CCDC14: variants seen among roughly 807,000 people sequenced by gnomAD.
CCDC14 encodes coiled-coil domain-containing protein 14.
In CCDC14, 71 loss-of-function variants were observed where a neutral mutation model predicts 81.4. The ratio of observed to expected loss-of-function variants is 0.87; its 90% confidence interval spans 0.72 to 1.06. CCDC14 has a LOEUF of 1.06. Ranked by LOEUF, CCDC14 falls within the 50% of genes least tolerant of loss-of-function variation. CCDC14 has a pLI of 0.00. For synonymous variants in CCDC14, 332 were observed against 364.8 expected (o/e 0.91, Z 1.03); for missense variants, 1,046 against 1,047.3 (o/e 1.00, Z 0.02).
chr3:123,915,699 C>A lies in CCDC14; in HGVS notation c.1798G>T (p.Ala600Ser). The change falls in exon 13 of 13, where the codon GCA (alanine) becomes TCA (serine). Residue 600 changes from alanine to serine, a missense_variant. Transcript: ENST00000409697. ...ACACTAAGATCGGAGAGAAGCTTTG[C>A]CATGCTAGTCTGTAAAGTTCTGTTA... ...ELTRTLQTSMAKLLSDLSVDS... is the reference protein window; with the variant it reads ...ELTRTLQTSMSKLLSDLSVDS... 6.2e-7 allele frequency: 1 copy of A among 1,610,972 alleles called. No individual in the cohort carries two copies. Among genetic ancestry groups the A allele is most frequent in the South Asian group, 1.1e-5 (1 of 90,208 alleles).
At chr3:123,916,600 G>C (rs2034715757) in intron 12 of CCDC14, among the ~76,000 whole-genome samples, 1 of 151,668 alleles carries the variant, frequency 6.6e-6, no homozygotes, top group South Asian at 2.1e-4. Context: ...AACCACAGAA[G>C]GTTTGAAGTT....
At chr3:123,958,371 A>T (rs1166848016) in intron 1 of CCDC14, 2 of 152,128 alleles carry the variant, frequency 1.3e-5, no homozygotes, top group Non-Finnish European at 2.9e-5. Flanking sequence ...AAATATACAC[A>T]AGGCTATATT....
chr3:123,895,576 CA>C (rs2034048590), downstream of CCDC14, among the ~76,000 whole-genome samples: 1 of 152,142 alleles, frequency 6.6e-6, no homozygotes, highest in African/African-American at 2.4e-5. Flanking sequence ...GTCTTACCCC[CA>C]GAAATTGATT....
chr3:123,934,349 T>G (rs914176075), intron 9 of CCDC14, among the ~76,000 whole-genome samples: 1 of 151,608 alleles, frequency 6.6e-6, no homozygotes, highest in East Asian at 1.9e-4. Context: ...TGATTTGTTG[T>G]TTTTTTTCTA....
At chr3:123,916,468 T>TTGTGTGTGTGTG (rs71142765) in intron 12 of CCDC14, among the ~76,000 whole-genome samples, 161 of 146,176 alleles carry the variant, frequency 1.1e-3, no homozygotes, top group Middle Eastern at 6.9e-3. Flanking sequence ...ATATATGTGT[T>TTGTGTGTGTGTG]TGTGTGTGTG....
At chr3:123,945,339 A>C (rs1278384977) in intron 8 of CCDC14, among the ~76,000 whole-genome samples, 1 of 152,012 alleles carries the variant, frequency 6.6e-6, no homozygotes. Flanking sequence ...GACTCCTATG[A>C]TTGCTATAGG....
At chr3:123,899,974 C>G (rs1231971644) in intron 5 of CCDC14, among the ~76,000 whole-genome samples, 1 of 152,196 alleles carries the variant, frequency 6.6e-6, no homozygotes, top group African/African-American at 2.4e-5. Flanking sequence ...TAAGATGTCT[C>G]TCCTCTGTGC....
chr3:123,961,109 C>T (rs1295296129), intron 1 of CCDC14, 35 bp downstream of exon 1: 2 of 1,523,744 alleles, frequency 1.3e-6, no homozygotes, highest in Non-Finnish European at 8.9e-7. Context: ...CCCTCTCCAT[C>T]CCCACAGCGG....
Position 123,944,968 on chromosome 3 carries a change from C to CAA in CCDC14, c.1222_1223dup (p.Leu408PhefsTer2), listed in dbSNP as rs1277391797. On this transcript the variant is annotated frameshift_variant, in exon 9 of 13. Transcript: ENST00000409697. LOFTEE classifies it high-confidence loss of function. ...ATATACATGCCTCCATTTCTGTAAT[C>CAA]AACCTCTGAATTTCTGAATCCTCTA... 6.9e-6 allele frequency: 11 copies of CAA among 1,604,146 alleles called. 1 individual carries two copies. The highest frequency in any genetic ancestry group is 9.4e-6 in the Non-Finnish European group (11 of 1,173,216).
chr3:123,919,909 A>G (rs936598952), intron 12 of CCDC14, among the ~76,000 whole-genome samples: 3 of 152,182 alleles, frequency 2.0e-5, no homozygotes, highest in Non-Finnish European at 4.4e-5. Flanking sequence ...GAAATAAAGC[A>G]CCAATAATGG....
chr3:123,948,540 C>T (rs530384456), intron 7 of CCDC14, 151 bp downstream of exon 7: 1 of 704,022 alleles, frequency 1.4e-6, no homozygotes, highest in Admixed American at 3.6e-5. Flanking sequence ...GGCGCTCGGC[C>T]ATAAACATGT....
Position 123,931,389 on chromosome 3 carries a change from T to TA in CCDC14, c.1563dup (p.Ser522Ter), listed in dbSNP as rs1320494184. ...TGATCTTTGTCTTTAAATATACTAC[T>TA]AAATTTTTTGTTTTCATCTTTCTGA... On this transcript the variant is annotated frameshift_variant, in exon 11 of 13. Coordinates refer to ENST00000409697, the MANE Select transcript of CCDC14 (RefSeq NM_001366335.1). LOFTEE classifies it high-confidence loss of function. 2 of 1,528,832 alleles carry TA rather than the reference T, an allele frequency of 1.3e-6. No individual in the cohort carries two copies. The highest frequency in any genetic ancestry group is 2.4e-5 in the South Asian group (2 of 83,480). The allele number at this position is 1,528,832 out of a possible 1,614,324, so 94.7% of individuals were successfully genotyped here.
the CCDC14 span, among the ~76,000 whole-genome samples, chr3:123,891,533 G>A: frequency 6.6e-6 from 1 of 152,138 alleles, no homozygotes; most frequent in South Asian, 2.1e-4. Context: ...CTAGGGCAGT[G>A]GTAAAATGCT....
At chr3:123,894,264 G>C (rs1365996519), downstream of CCDC14, among the ~76,000 whole-genome samples, 2 of 152,176 alleles carry the variant, frequency 1.3e-5, no homozygotes, top group African/African-American at 2.4e-5. Context: ...AAAATAGGCT[G>C]ACCATATAAT....
chr3:123,909,689 G>A (rs190236121), downstream of CCDC14, among the ~76,000 whole-genome samples: 5 of 152,264 alleles, frequency 3.3e-5, no homozygotes, highest in Admixed American at 6.5e-5. Context: ...TTTGTAGTTT[G>A]CAAAACATTT....
At chr3:123,927,590 A>G (rs919845123) in intron 12 of CCDC14, among the ~76,000 whole-genome samples, 1 of 152,094 alleles carries the variant, frequency 6.6e-6, no homozygotes, top group African/African-American at 2.4e-5. Context: ...CTGACAGGTG[A>G]GCTAGTAGTC....
At chr3:123,942,832 T>C (rs2036422326) in intron 9 of CCDC14, among the ~76,000 whole-genome samples, 1 of 152,022 alleles carries the variant, frequency 6.6e-6, no homozygotes, top group African/African-American at 2.4e-5. Flanking sequence ...TGTGGGTGAT[T>C]CCTTTTATAT....
rs200972510 is a variant in CCDC14, at chr3:123,915,428, G to C, written c.2069C>G (p.Thr690Ser). The C allele has an allele frequency of 1.9e-6, 3 of 1,613,884 alleles. No individual in the cohort carries two copies. The highest frequency in any genetic ancestry group is 2.5e-6 in the Non-Finnish European group (3 of 1,179,904). Residue 690 changes from threonine (T) to serine (S), a missense_variant, in exon 13 of 13, where the codon ACT becomes AGT. Physicochemically the swap from Thr to Ser is moderately conservative, Grantham distance 58. Transcript: ENST00000409697. ...TGCAGATGCTTCCTCCATGCCCCTA[G>C]TGTTACTATTTTGAGGGCCTCTGGA... ...LSSRGPQNSN[T>S]RGMEEASAPG...
chr3:123,892,814 T>C (rs1339950632), downstream of CCDC14, among the ~76,000 whole-genome samples: 1 of 151,246 alleles, frequency 6.6e-6, no homozygotes, highest in African/African-American at 2.4e-5. Flanking sequence ...TTTTAACCAT[T>C]TTTTTTTTGA....
Sources: gnomAD v4.1 joint callset for allele counts (sites outside exome capture counted in the v4.1 genomes callset) on GRCh38, gnomAD v4.1.1 for gene constraint, MANE v1.5 for transcripts, NCBI Gene and HGNC (gene_info 2026-07-23, HGNC 2026-07-21) for gene names.